Variants in RAF1 observed in about 807,000 individuals in gnomAD.
The protein encoded by RAF1 is Raf-1 proto-oncogene, serine/threonine kinase.
A neutral mutation model predicts 81.1 loss-of-function variants in RAF1; 27 were observed. The observed-to-expected ratio is 0.33, with a 90% CI of 0.25 to 0.46. RAF1 has a LOEUF of 0.46. RAF1 is among the 20% of genes least tolerant of loss of function. The probability of loss-of-function intolerance (pLI) is 1.00; values close to 1 mark genes in which losing one functional copy is unlikely to be tolerated. For synonymous variants in RAF1, 298 were observed against 294.0 expected, an observed-to-expected ratio of 1.01 and a Z score of -0.14; for missense variants, 598 against 826.0, an observed-to-expected ratio of 0.72 and a Z score of 3.38.
At chr3:12,644,875 G>A (rs1462929022) in intron 1 of RAF1, among the ~76,000 whole-genome samples, 2 of 151,924 alleles carry the variant, frequency 1.3e-5, no homozygotes, top group African/African-American at 4.8e-5. Context: ...AGAGATGGGT[G>A]GATCACAAGG....
intron 1 of RAF1, among the ~76,000 whole-genome samples, chr3:12,647,479 G>C (rs1346537556): frequency 6.6e-6 from 1 of 151,742 alleles, no homozygotes; most frequent in Non-Finnish European, 1.5e-5. Flanking sequence ...TGTAGTCCCA[G>C]CTATTCAAGA....
At chr3:12,595,883 T>C (rs2058670784) in intron 11 of RAF1, among the ~76,000 whole-genome samples, 1 of 151,828 alleles carries the variant, frequency 6.6e-6, no homozygotes, top group African/African-American at 2.4e-5. Flanking sequence ...AAGTTTCTTT[T>C]TTTTTTTTTG....
chr3:12,596,988 T>G (rs1223797842), intron 11 of RAF1, among the ~76,000 whole-genome samples: 2 of 151,750 alleles, frequency 1.3e-5, no homozygotes, highest in African/African-American at 4.8e-5. Context: ...AAGCTCTGCC[T>G]CCCGGGTTCA....
intron 11 of RAF1, among the ~76,000 whole-genome samples, chr3:12,597,678 G>A (rs986455219): frequency 6.6e-6 from 1 of 152,086 alleles, no homozygotes; most frequent in African/African-American, 2.4e-5. Context: ...ACTTTGGGAG[G>A]CCGAGGCAGG....
intron 6 of RAF1, among the ~76,000 whole-genome samples, chr3:12,605,679 G>C (rs961398358): frequency 1.3e-5 from 2 of 152,180 alleles, no homozygotes; most frequent in African/African-American, 2.4e-5. Context: ...TATAAAGCTG[G>C]AAAACAGAGT....
intron 11 of RAF1, 33 bp downstream of exon 10, chr3:12,599,658 C>T (rs1415149401): frequency 1.3e-6 from 2 of 1,556,320 alleles, no homozygotes; most frequent in Admixed American, 1.7e-5. Flanking sequence ...CACCAAAGCC[C>T]TGCAGTTAGT....
At chr3:12,661,085 A>T (rs1275636138) in intron 1 of RAF1, among the ~76,000 whole-genome samples, 1 of 152,198 alleles carries the variant, frequency 6.6e-6, no homozygotes, top group African/African-American at 2.4e-5. Context: ...ATAAGGGTAA[A>T]AACAAGCCAA....
intron 2 of RAF1, among the ~76,000 whole-genome samples, chr3:12,613,574 C>T (rs1411309158): frequency 6.6e-6 from 1 of 152,146 alleles, no homozygotes; most frequent in Non-Finnish European, 1.5e-5. Context: ...AATGCCAATC[C>T]AGCCAACCTT....
chr3:12,660,690 A>T (rs1373381143), intron 1 of RAF1, among the ~76,000 whole-genome samples: 1 of 152,218 alleles, frequency 6.6e-6, no homozygotes, highest in Non-Finnish European at 1.5e-5. Flanking sequence ...AAAACACCAC[A>T]TATCAGCCAG....
intron 1 of RAF1, among the ~76,000 whole-genome samples, chr3:12,623,368 G>A (rs1232542854): frequency 6.6e-6 from 1 of 152,298 alleles, no homozygotes; most frequent in African/African-American, 2.4e-5. Flanking sequence ...ACTCAGTAGA[G>A]AATATACTGC....
Position 12,618,631 on chromosome 3 carries a change from T to C in RAF1, c.91A>G (p.Thr31Ala), listed in dbSNP as rs1486365900. Residue 31 changes from threonine (T) to alanine (A), a missense_variant, in exon 2 of 18, where the codon ACA (threonine) becomes GCA (alanine). Transcript: ENST00000442415. Reference sequence around the variant, plus strand: ...TGATAGCCAAACTGCTGAACTATTGTAGGAGAGATGCAGCTGGAGCCATCA... The same window carrying C: ...TGATAGCCAAACTGCTGAACTATTGCAGGAGAGATGCAGCTGGAGCCATCA... 3 of 1,614,208 alleles carry C rather than the reference T, an allele frequency of 1.9e-6. No individual in the cohort carries two copies. The highest frequency in any genetic ancestry group is 1.1e-5 in the South Asian group (1 of 91,086).
At chr3:12,649,233 T>G (rs748900320) in intron 1 of RAF1, among the ~76,000 whole-genome samples, 2 of 152,198 alleles carry the variant, frequency 1.3e-5, no homozygotes, top group African/African-American at 2.4e-5. Flanking sequence ...ACTGATAATA[T>G]CATTTGTTCT....
intron 1 of RAF1, among the ~76,000 whole-genome samples, chr3:12,649,111 T>C (rs2060442522): frequency 6.6e-6 from 1 of 151,712 alleles, no homozygotes; most frequent in Admixed American, 6.6e-5. Flanking sequence ...CAAAACTCAG[T>C]CTCAGAAAAA....
chr3:12,643,792 C>A (rs929345880), intron 1 of RAF1, among the ~76,000 whole-genome samples: 1 of 151,898 alleles, frequency 6.6e-6, no homozygotes, highest in African/African-American at 2.4e-5. Context: ...CCTCCTTGTG[C>A]AATTCCTAAT....
At chr3:12,609,378 C>A (rs2125421523) in intron 3 of RAF1, 43 bp from the exon 4 acceptor site, 2 of 1,344,528 alleles carry the variant, frequency 1.5e-6, no homozygotes, top group South Asian at 2.3e-5. Flanking sequence ...TAAACAAGAT[C>A]AAAGTTCAAT....
At chr3:12,625,754 C>G (rs562499303) in intron 1 of RAF1, among the ~76,000 whole-genome samples, 4 of 152,032 alleles carry the variant, frequency 2.6e-5, no homozygotes, top group South Asian at 2.1e-4. Flanking sequence ...GCCAGGAGTT[C>G]GAGGCTGTAG....
At chr3:12,623,399 G>A (rs2059605301) in intron 1 of RAF1, among the ~76,000 whole-genome samples, 1 of 152,178 alleles carries the variant, frequency 6.6e-6, no homozygotes, top group South Asian at 2.1e-4. Flanking sequence ...AATAAAAAGT[G>A]ACAAAATAAA....
intron 2 of RAF1, among the ~76,000 whole-genome samples, chr3:12,615,549 C>T (rs9874380): frequency 0.017 from 2,514 of 152,208 alleles, 76 homozygotes; most frequent in African/African-American, 0.058. Flanking sequence ...GCAACTCTTC[C>T]CTCTTCTACC....
At chr3:12,659,836 C>T (rs2060819628) in intron 1 of RAF1, among the ~76,000 whole-genome samples, 1 of 152,174 alleles carries the variant, frequency 6.6e-6, no homozygotes, top group African/African-American at 2.4e-5. Flanking sequence ...GGCTAACAAG[C>T]TCCTCCCAAG....
Sources: allele counts gnomAD v4.1 joint callset (sites outside exome capture counted in the v4.1 genomes callset), GRCh38; gene constraint gnomAD v4.1.1; transcripts MANE v1.5; gene names NCBI Gene and HGNC (gene_info 2026-07-23, HGNC 2026-07-21).